The following ABCA3 variants were observed in gnomAD, a reference collection of about 807,000 sequenced individuals.
The protein encoded by ABCA3 is phospholipid-transporting ATPase ABCA3.
Under a neutral mutation model 172.8 loss-of-function variants are expected in ABCA3, and 88 were observed. The ratio of observed to expected loss-of-function variants is 0.51; its 90% CI spans 0.43 to 0.61. The LOEUF (loss-of-function observed/expected upper bound fraction) is 0.61, where lower values mean the gene tolerates loss of function less well. ABCA3 is among the 20% of genes least tolerant of loss of function. ABCA3 has a pLI of 0.00. For synonymous variants in ABCA3, 1,066 were observed against 983.8 expected (o/e 1.08, Z -1.56); for missense variants, 2,164 against 2,301.0 (o/e 0.94, Z 1.22).
chr16:2,323,782 C>T (rs963737157), intron 6 of ABCA3, 94 bp from the exon 7 acceptor site: 2 of 1,417,888 alleles, frequency 1.4e-6, no homozygotes, highest in African/African-American at 1.4e-5. Flanking sequence ...GGGGCTGTCA[C>T]AGCCGAGAAC....
chr16:2,285,720 T>C lies in ABCA3; in HGVS notation c.3279-74A>G. 1 of 1,465,754 alleles carries C rather than the reference T, an allele frequency of 6.8e-7. No individual in the cohort carries two copies. Among genetic ancestry groups the C allele is most frequent in the Non-Finnish European group, 9.3e-7 (1 of 1,073,890 alleles). The allele number at this position is 1,465,754 out of a possible 1,614,324, so 90.8% of individuals were successfully genotyped here. On this transcript the variant is annotated intron_variant, in intron 22 of 32. Coordinates refer to ENST00000301732, the MANE Select transcript of ABCA3 (RefSeq NM_001089.3). This position sits in a 1 kb window ranked among gnomAD's most constrained non-coding sequence, Gnocchi z 4.7. The stretch of plus-strand genomic sequence containing the variant: ...GCAGGAGAGGTCGGGTTCTCGGTTA[T>C]GACCGCCCAAGGCATGCAGGGCAGC...
In ABCA3 at chr16:2,288,362, C is replaced by A. The variant is rs313908; in HGVS notation, c.2701-33G>T. 7.2e-6 allele frequency: 11 copies of A among 1,534,538 alleles called. No individual in the cohort carries two copies. The South Asian group carries it at 1.2e-4, about 17-fold the overall frequency. On this transcript the variant is annotated intron_variant, in intron 20 of 32. Coordinates refer to ENST00000301732, the MANE Select transcript of ABCA3 (RefSeq NM_001089.3). ...AGAGGGGACGCAGGTGACACCGGCA[C>A]CGCTTGGGGCCCAGCGCCTGACCCC... is the stretch of plus-strand genomic sequence containing the variant.
chr16:2,320,943 CTG>C (rs2093725093), intron 7 of ABCA3, among the ~76,000 whole-genome samples: 1 of 149,450 alleles, frequency 6.7e-6, no homozygotes, highest in South Asian at 2.1e-4. Flanking sequence ...GATATTTACT[CTG>C]TGTCATTTGC....
intron 10 of ABCA3, among the ~76,000 whole-genome samples, chr16:2,313,003 C>T (rs1048460202): frequency 1.3e-5 from 2 of 151,848 alleles, no homozygotes; most frequent in South Asian, 4.2e-4. Context: ...TGCAGTGAGT[C>T]GAGATCAGGC....
intron 13 of ABCA3, 76 bp from the exon 14 acceptor site, chr16:2,299,608 G>T: frequency 6.3e-7 from 1 of 1,599,864 alleles, no homozygotes; most frequent in Non-Finnish European, 8.5e-7. Flanking sequence ...CTGCTCCCCT[G>T]CCCGACCGTC....
At chr16:2,322,121 C>A (rs1425334267) in intron 7 of ABCA3, among the ~76,000 whole-genome samples, 2 of 151,500 alleles carry the variant, frequency 1.3e-5, no homozygotes, top group African/African-American at 4.9e-5. Flanking sequence ...TCGCTTGAAC[C>A]TGGGACACAG....
intron 12 of ABCA3, among the ~76,000 whole-genome samples, chr16:2,302,215 C>A (rs1475631210): frequency 6.6e-6 from 1 of 152,218 alleles, no homozygotes. Flanking sequence ...TGATTTCCCA[C>A]TTCGCACCTC....
Position 2,291,762 on chromosome 16 carries a change from T to C in ABCA3, c.2513+378A>G, listed in dbSNP as rs543458413. On this transcript the variant is annotated intron_variant, in intron 19 of 32. Coordinates refer to ENST00000301732, the MANE Select transcript of ABCA3 (RefSeq NM_001089.3). ...CATTTGAGATCATAACCGAGGTGAC[T>C]GTTTATCACTGCACTTTTTAGAAGT... 1.4e-4 allele frequency among the ~76,000 whole-genome samples: 21 copies of C among 152,334 alleles called. 1 individual carries two copies. In the South Asian group the frequency reaches 4.1e-3, roughly 30 times the overall value.
intron 12 of ABCA3, among the ~76,000 whole-genome samples, chr16:2,301,431 A>C (rs972936666): frequency 2.0e-5 from 3 of 151,340 alleles, no homozygotes; most frequent in Non-Finnish European, 2.9e-5. Flanking sequence ...CCTCGGCTGG[A>C]GGTGGTGGCT....
rs1420084045 is a variant in ABCA3 at position 2,295,698 on chromosome 16, TTGCAG to T, written c.2301_2305del (p.His767GlnfsTer39). ...GACCAGCTGGGAGATGTCTTCCGGG[TTGCAG>T]TGCGGCTCCTTCACCAGCGTCATGT... On this transcript the variant is annotated frameshift_variant, in exon 18 of 33. Coordinates refer to ENST00000301732, the MANE Select transcript of ABCA3 (RefSeq NM_001089.3). LOFTEE classifies it high-confidence loss of function. 6.2e-7 allele frequency: 1 copy of T among 1,614,002 alleles called. No homozygotes were observed. The highest frequency in any genetic ancestry group is 1.1e-5 in the South Asian group (1 of 91,080).
Position 2,276,539 on chromosome 16 carries a change from C to T in ABCA3, c.*135G>A. The T allele has an allele frequency of 7.0e-7, 1 of 1,431,356 alleles. No homozygotes were observed. Among genetic ancestry groups the T allele is most frequent in the Non-Finnish European group, 9.4e-7 (1 of 1,061,700 alleles). The allele number at this position is 1,431,356 out of a possible 1,614,324, so 88.7% of individuals were successfully genotyped here. On this transcript the variant is annotated 3_prime_UTR_variant, in exon 33 of 33. Transcript: ENST00000301732. ...GCACTCGTCCATTCTGTGCATACTGCCTTGAATTTTTCATATCCATCATAG... is the reference window on the plus strand; with the variant it reads ...GCACTCGTCCATTCTGTGCATACTGTCTTGAATTTTTCATATCCATCATAG...
At chr16:2,306,807 A>T (rs1381326640) in intron 11 of ABCA3, among the ~76,000 whole-genome samples, 2 of 152,120 alleles carry the variant, frequency 1.3e-5, no homozygotes, top group Middle Eastern at 3.4e-3. Flanking sequence ...CAAGGTCAGA[A>T]GATCGAGACC....
At chr16:2,328,898 G>GT (rs556111966) in intron 2 of ABCA3, 141 bp from the exon 3 acceptor site, 161 of 140,014 alleles carry the variant, frequency 1.1e-3, no homozygotes, top group Middle Eastern at 7.6e-3. Context: ...ACGGGGAAGG[G>GT]TTTTTTTTTT....
At chr16:2,307,313 T>C (rs950638663) in intron 11 of ABCA3, among the ~76,000 whole-genome samples, 3 of 151,946 alleles carry the variant, frequency 2.0e-5, no homozygotes, top group Non-Finnish European at 4.4e-5. Context: ...CCTAGCACTT[T>C]CGGAGGCCGA....
Position 2,284,598 on chromosome 16 carries a change from C to T in ABCA3, c.3704-161G>A, listed in dbSNP as rs1010761307. ...CCGGCTCTGCACAGGGCAAGGACGC[C>T]GCAGACGCCTGCCCACCAGTCATGG... On this transcript the variant is annotated intron_variant, in intron 24 of 32. Transcript: ENST00000301732. The surrounding 1 kb of genome is among the most constrained non-coding windows in gnomAD (Gnocchi z 5.9). 4.6e-5 allele frequency among the ~76,000 whole-genome samples: 7 copies of T among 152,148 alleles called. No homozygotes were observed. Among genetic ancestry groups the T allele is most frequent in the South Asian group, 2.1e-4 (1 of 4,828 alleles).
Position 2,289,546 on chromosome 16 carries a change from C to A in ABCA3, c.2588G>T (p.Arg863Met). ...QLPALQYQHE[R>M]RASDWAVDSN... ...GTCCACAGCCCAGTCGCTGGCGCGC[C>A]TCTCGTGCTGGTACTGCAGGGCAGG... The change falls in exon 20 of 33, where the codon AGG becomes ATG. Residue 863 changes from arginine to methionine, a missense_variant. This residue lies in a region of ABCA3 where 1,343 missense variants were observed against 1,369.6 expected (regional missense o/e 0.98). Coordinates refer to ENST00000301732, the MANE Select transcript of ABCA3 (RefSeq NM_001089.3). The A allele has an allele frequency of 6.4e-7, 1 of 1,569,588 alleles. No individual in the cohort carries two copies. The highest frequency in any genetic ancestry group is 2.3e-5 in the East Asian group (1 of 43,120).
chr16:2,310,781 A>G (rs1596854618), intron 10 of ABCA3, among the ~76,000 whole-genome samples: 1 of 152,010 alleles, frequency 6.6e-6, no homozygotes, highest in Admixed American at 6.6e-5. Flanking sequence ...TTGGCCTCCC[A>G]AAGTGCTGGG....
intron 18 of ABCA3, among the ~76,000 whole-genome samples, chr16:2,293,867 A>T (rs1020065861): frequency 6.6e-6 from 1 of 151,582 alleles, no homozygotes; most frequent in Non-Finnish European, 1.5e-5. Flanking sequence ...TTTTTTGTAG[A>T]GATGGGGTCT....
intron 8 of ABCA3, 119 bp from the exon 9 acceptor site, chr16:2,317,883 G>T: frequency 1.2e-6 from 1 of 865,368 alleles, no homozygotes. Context: ...CATTCGACAG[G>T]GTCTTACTAT....
Sources: gnomAD v4.1 joint callset for allele counts (sites outside exome capture counted in the v4.1 genomes callset) on GRCh38, gnomAD v4.1.1 for gene constraint, gnomAD v4.1.1 regional missense constraint, Gnocchi (gnomAD v3.1) non-coding constraint, MANE v1.5 for transcripts, NCBI Gene and HGNC (gene_info 2026-07-23, HGNC 2026-07-21) for gene names.